FBXL7: variants seen among roughly 807,000 people sequenced by gnomAD.
FBXL7 encodes the protein F-box/LRR-repeat protein 7.
A neutral mutation model predicts 38.3 loss-of-function variants in FBXL7; 12 were observed. That is an observed-to-expected ratio of 0.31 (90% CI 0.20 to 0.51). FBXL7 has a LOEUF of 0.51. Ranked by LOEUF, FBXL7 falls within the 20% of genes least tolerant of loss-of-function variation. The pLI is 0.98. For synonymous variants in FBXL7, 297 were observed against 300.9 expected (o/e 0.99, Z 0.13); for missense variants, 567 against 676.4 (o/e 0.84, Z 1.79).
intron 1 of FBXL7, among the ~76,000 whole-genome samples, chr5:15,556,223 C>G (rs1209349720): frequency 6.6e-6 from 1 of 152,046 alleles, no homozygotes; most frequent in East Asian, 1.9e-4. Flanking sequence ...TTGGAGGCCC[C>G]GGAAAGCTGG....
intron 2 of FBXL7, among the ~76,000 whole-genome samples, chr5:15,777,720 T>TAA (rs371293320): frequency 0.1 from 8,515 of 81,986 alleles, 964 homozygotes; most frequent in East Asian, 0.35. Flanking sequence ...CCTATTCTGG[T>TAA]AAAAAAAAAA....
chr5:15,738,074 A>T (rs543877910), intron 2 of FBXL7, among the ~76,000 whole-genome samples: 1 of 152,046 alleles, frequency 6.6e-6, no homozygotes, highest in South Asian at 2.1e-4. Flanking sequence ...TATTCCAAAC[A>T]CTTGTTTGGG....
intron 2 of FBXL7, among the ~76,000 whole-genome samples, chr5:15,660,778 T>G (rs2126583792): frequency 6.6e-6 from 1 of 152,360 alleles, no homozygotes; most frequent in South Asian, 2.1e-4. Flanking sequence ...CATATTAGCA[T>G]GAGGTTATAT....
Position 15,795,750 on chromosome 5 carries a change from A to G in FBXL7, c.128-132140A>G, listed in dbSNP as rs538197150. On this transcript the variant is annotated intron_variant, in intron 2 of 3. Transcript: ENST00000504595. The stretch of plus-strand genomic sequence containing the variant: ...GGTGGGACAAAATAGGGGAGAAGGT[A>G]ATATGTTTATTTCAATTTGGAAGGA... Among the ~76,000 whole-genome samples the G allele has an allele frequency of 4.3e-4, 66 of 152,248 alleles. 1 individual carries two copies. Among genetic ancestry groups the G allele is most frequent in the African/African-American group, 1.6e-3 (65 of 41,552 alleles).
intron 2 of FBXL7, among the ~76,000 whole-genome samples, chr5:15,824,484 A>G (rs1311878751): frequency 1.3e-5 from 2 of 151,986 alleles, no homozygotes; most frequent in African/African-American, 4.8e-5. Context: ...GGCGCCCTCT[A>G]CTGTTCTTCA....
intron 2 of FBXL7, among the ~76,000 whole-genome samples, chr5:15,765,223 G>A (rs1736553689): frequency 1.3e-5 from 2 of 152,110 alleles, no homozygotes; most frequent in African/African-American, 4.8e-5. Context: ...ATGATTTGCT[G>A]TCTCCAGAAC....
At chr5:15,553,182 C>G (rs1234448047) in intron 1 of FBXL7, among the ~76,000 whole-genome samples, 1 of 152,182 alleles carries the variant, frequency 6.6e-6, no homozygotes, top group African/African-American at 2.4e-5. Context: ...CCCCAGCCCT[C>G]TTGTCCAGCT....
intron 1 of FBXL7, among the ~76,000 whole-genome samples, chr5:15,518,123 T>C (rs1464584254): frequency 6.6e-6 from 1 of 152,152 alleles, no homozygotes; most frequent in Non-Finnish European, 1.5e-5. Flanking sequence ...CCTGGGTACC[T>C]GGGATTACAG....
At chr5:15,740,520 C>A (rs1168535242) in intron 2 of FBXL7, among the ~76,000 whole-genome samples, 1 of 152,168 alleles carries the variant, frequency 6.6e-6, no homozygotes, top group Non-Finnish European at 1.5e-5. Context: ...GTGTTTTCCT[C>A]TTTAAAATTA....
chr5:15,723,716 G>A (rs887544650), intron 2 of FBXL7, among the ~76,000 whole-genome samples: 1 of 152,208 alleles, frequency 6.6e-6, no homozygotes, highest in African/African-American at 2.4e-5. Flanking sequence ...TTAATTATAA[G>A]TGTACATAAT....
chr5:15,729,011 G>A (rs1392781741), intron 2 of FBXL7, among the ~76,000 whole-genome samples: 1 of 152,084 alleles, frequency 6.6e-6, no homozygotes, highest in Non-Finnish European at 1.5e-5. Context: ...ACTTATTGGT[G>A]TCTTAGAGCA....
At chr5:15,850,757 C>T (rs899065376) in intron 2 of FBXL7, among the ~76,000 whole-genome samples, 1 of 152,164 alleles carries the variant, frequency 6.6e-6, no homozygotes, top group Non-Finnish European at 1.5e-5. Context: ...ATCTGAATGT[C>T]ACTTTTTGTT....
At chr5:15,809,347 C>T (rs1434184673) in intron 2 of FBXL7, among the ~76,000 whole-genome samples, 1 of 152,160 alleles carries the variant, frequency 6.6e-6, no homozygotes, top group Non-Finnish European at 1.5e-5. Context: ...TGGTTAAAAG[C>T]ACAGAACCCG....
At chr5:15,801,633 C>CTGTG (rs1561131619) in intron 2 of FBXL7, among the ~76,000 whole-genome samples, 1 of 117,328 alleles carries the variant, frequency 8.5e-6, no homozygotes, top group Non-Finnish European at 1.7e-5. Context: ...AAGGGGGAGT[C>CTGTG]AGTGTGTGTG....
chr5:15,902,364 T>A (rs977427983), intron 2 of FBXL7, among the ~76,000 whole-genome samples: 2 of 152,342 alleles, frequency 1.3e-5, no homozygotes, highest in Admixed American at 1.3e-4. Context: ...GTCATTACTA[T>A]TACTATCTAA....
intron 1 of FBXL7, among the ~76,000 whole-genome samples, chr5:15,584,662 C>T (rs1400381994): frequency 6.6e-6 from 1 of 152,198 alleles, no homozygotes; most frequent in Non-Finnish European, 1.5e-5. Context: ...CTGTTCAAAC[C>T]CTCTGCCCAT....
chr5:15,934,854 G>GC (rs1398919441), intron 3 of FBXL7, among the ~76,000 whole-genome samples: 1 of 152,130 alleles, frequency 6.6e-6, no homozygotes, highest in Non-Finnish European at 1.5e-5. Context: ...GCAGTGAACA[G>GC]CCCCAAGTCC....
rs115085448 is a variant in FBXL7, at chr5:15,645,865, A to G, written c.127+29793A>G. Among the ~76,000 whole-genome samples the G allele has an allele frequency of 2.5e-3, 382 of 152,350 alleles. 1 individual carries two copies. Among genetic ancestry groups the G allele is most frequent in the African/African-American group, 8.6e-3 (359 of 41,582 alleles). On this transcript the variant is annotated intron_variant, in intron 2 of 3. Transcript: ENST00000504595. ...CTGTGTTGTTCACTTGAAAACGACA[A>G]TGTTGTTGCCTAGCCTTCCTGTCGA...
At chr5:15,887,774 C>T (rs1177644181) in intron 2 of FBXL7, among the ~76,000 whole-genome samples, 1 of 152,192 alleles carries the variant, frequency 6.6e-6, no homozygotes, top group Non-Finnish European at 1.5e-5. Flanking sequence ...TTTTGGTACA[C>T]TCAAGAAGCT....
Sources: allele counts gnomAD v4.1 joint callset (sites outside exome capture counted in the v4.1 genomes callset), GRCh38; gene constraint gnomAD v4.1.1; transcripts MANE v1.5; gene names NCBI Gene and HGNC (gene_info 2026-07-23, HGNC 2026-07-21).